The following ATXN7 variants were observed in gnomAD, a reference collection of about 807,000 sequenced individuals.
ATXN7 encodes ataxin-7.
Under a neutral mutation model 70.5 loss-of-function variants are expected in ATXN7, and 12 were observed. The observed-to-expected ratio is 0.17, with a 90% confidence interval of 0.11 to 0.28. The LOEUF is 0.28. Ranked by LOEUF, ATXN7 falls within the 10% of genes least tolerant of loss-of-function variation. The pLI is 1.00. For synonymous variants in ATXN7, 498 were observed against 448.7 expected (o/e 1.11, Z -1.39); for missense variants, 1,256 against 1,131.7 (o/e 1.11, Z -1.58).
chr3:63,953,656 C>CTT (rs1369697109), intron 5 of ATXN7, among the ~76,000 whole-genome samples: 76 of 138,500 alleles, frequency 5.5e-4, no homozygotes, highest in African/African-American at 1.3e-3. Context: ...TGAGATACTT[C>CTT]TTTTTTTTTT....
chr3:63,936,274 G>A (rs2074660882), intron 4 of ATXN7, among the ~76,000 whole-genome samples: 1 of 151,894 alleles, frequency 6.6e-6, no homozygotes, highest in African/African-American at 2.4e-5. Flanking sequence ...ATACAATAAG[G>A]CCTCTAAATG....
chr3:63,953,110 G>C lies in ATXN7; in HGVS notation c.499+627G>C, dbSNP rs989480787. Among the ~76,000 whole-genome samples the C allele has an allele frequency of 3.3e-5, 5 of 152,110 alleles. No individual in the cohort carries two copies. In the South Asian group the frequency reaches 6.2e-4, roughly 19 times the overall value. Reference sequence around the variant, plus strand: ...TCTTACCGCCACAGAGTTTACAGTCGAATTGGAGAGGCAGGCAAAACTAAC... The same window carrying C: ...TCTTACCGCCACAGAGTTTACAGTCCAATTGGAGAGGCAGGCAAAACTAAC... On this transcript the variant is annotated intron_variant, in intron 5 of 12. Transcript: ENST00000674280.
rs1352665632 is a variant in ATXN7 at position 64,001,854 on chromosome 3, A to AT, written c.*2394dup. The AT allele has an allele frequency of 6.6e-6, 1 of 152,150 alleles. No homozygotes were observed. The highest frequency in any genetic ancestry group is 1.5e-5 in the Non-Finnish European group (1 of 68,018). 9.4% of individuals were successfully genotyped at this position (152,150 alleles called of 1,614,324 possible). Reference sequence around the variant, plus strand: ...CCATTTAAAACACGGGAGTACAAGTATTTTTTTGAATTAAATTAACTTGCA... The same window carrying AT: ...CCATTTAAAACACGGGAGTACAAGTATTTTTTTTGAATTAAATTAACTTGCA... On this transcript the variant is annotated 3_prime_UTR_variant, in exon 13 of 13. Transcript: ENST00000674280.
In ATXN7 at chr3:63,999,462, C is replaced by T. The variant is rs777748106; in HGVS notation, c.2674C>T (p.Pro892Ser). ...TCTTTTTTGAAAGCCAAAGGCACGT[C>T]CCTGACAGCTGAAAATAGCACGGGG... The part of the protein sequence containing the change: ...SSLLHQPKAR[P>S] Residue 892 changes from proline to serine, a missense_variant, in exon 13 of 13, where the codon CCC becomes TCC. Pro to Ser is a moderately conservative substitution (Grantham distance 74). Coordinates refer to ENST00000674280, the MANE Select transcript of ATXN7 (RefSeq NM_001377405.1). 6.2e-7 allele frequency: 1 copy of T among 1,614,020 alleles called. No individual in the cohort carries two copies. The highest frequency in any genetic ancestry group is 8.5e-7 in the Non-Finnish European group (1 of 1,179,964).
intron 4 of ATXN7, among the ~76,000 whole-genome samples, chr3:63,942,738 G>T (rs1023460058): frequency 2.0e-5 from 3 of 152,184 alleles, no homozygotes; most frequent in African/African-American, 7.2e-5. Flanking sequence ...GATTGTAATA[G>T]TATTACATAC....
At position 63,995,538 on chromosome 3, in the gene ATXN7, C is replaced by T. The variant is rs755413774; in HGVS notation, c.1716C>T (p.Pro572=). 5.6e-6 allele frequency: 9 copies of T among 1,614,012 alleles called. No homozygotes were observed. The highest frequency in any genetic ancestry group is 5.0e-5 in the Admixed American group (3 of 60,012). ...CACCAGTGCCCAGTACCACCTCACC[C>T]ATCTCCACACGTATTCCTCACCGGA... ...KIPPVPSTTS[P]ISTRIPHRTN... is the part of the protein sequence containing the mutation. Residue 572 remains proline, a synonymous_variant, in exon 12 of 13, where the codon CCC becomes CCT. Coordinates refer to ENST00000674280, the MANE Select transcript of ATXN7 (RefSeq NM_001377405.1).
chr3:63,992,656 A>T (rs534444889), intron 11 of ATXN7, among the ~76,000 whole-genome samples: 1 of 152,274 alleles, frequency 6.6e-6, no homozygotes, highest in South Asian at 2.1e-4. Context: ...AAAAAGTAAG[A>T]TCATAAGGTC....
chr3:63,913,461 G>C (rs541338855), intron 4 of ATXN7, among the ~76,000 whole-genome samples: 1 of 152,304 alleles, frequency 6.6e-6, no homozygotes, highest in African/African-American at 2.4e-5. Flanking sequence ...CATTATTGGT[G>C]ATGAGCGCTG....
chr3:63,932,163 T>A (rs969047462), intron 4 of ATXN7, among the ~76,000 whole-genome samples: 13 of 152,228 alleles, frequency 8.5e-5, no homozygotes, highest in Non-Finnish European at 1.2e-4. Flanking sequence ...AAAGCAGGTG[T>A]TTGTGCAGGT....
At chr3:63,903,155 G>A (rs1703708906) in intron 2 of ATXN7, among the ~76,000 whole-genome samples, 1 of 152,070 alleles carries the variant, frequency 6.6e-6, no homozygotes, top group African/African-American at 2.4e-5. Context: ...GGCACTTTGG[G>A]AGGCCGAGGC....
chr3:63,964,668 T>G (rs1039919132), intron 5 of ATXN7, among the ~76,000 whole-genome samples: 12 of 152,168 alleles, frequency 7.9e-5, no homozygotes, highest in African/African-American at 2.9e-4. Flanking sequence ...TTATCCCCAT[T>G]TAAATTTCAT....
chr3:63,956,905 G>A (rs774113002), intron 5 of ATXN7, among the ~76,000 whole-genome samples: 2 of 152,188 alleles, frequency 1.3e-5, no homozygotes, highest in Non-Finnish European at 2.9e-5. Flanking sequence ...GTGACGTTCC[G>A]AAAGTCAGAA....
rs973742200 is a variant in ATXN7, at chr3:63,998,004, A to G, written c.2662-1446A>G. 1.4e-5 allele frequency: 14 copies of G among 985,416 alleles called. No individual in the cohort carries two copies. In the Admixed American group the frequency reaches 1.8e-4, roughly 13 times the overall value. 61.0% of individuals were successfully genotyped at this position (985,416 alleles called of 1,614,324 possible). A position where few individuals can be genotyped will look rare whatever the true frequency, so the allele number is the denominator to read the frequency against. On this transcript the variant is annotated intron_variant, in intron 12 of 12. Coordinates refer to ENST00000674280, the MANE Select transcript of ATXN7 (RefSeq NM_001377405.1). ...TAGTTACTCATTACAGTTTATAAGC[A>G]TAACAGTCCAATATAAACACAGAAG...
intron 1 of ATXN7, among the ~76,000 whole-genome samples, chr3:63,885,483 T>C (rs1396201311): frequency 6.6e-6 from 1 of 152,136 alleles, no homozygotes; most frequent in African/African-American, 2.4e-5. Flanking sequence ...TCTTTGTACA[T>C]TGGTAGTGGG....
chr3:63,948,230 G>T (rs2074896095), intron 4 of ATXN7, among the ~76,000 whole-genome samples: 1 of 152,160 alleles, frequency 6.6e-6, no homozygotes, highest in Non-Finnish European at 1.5e-5. Context: ...TGTGCTAGTG[G>T]CCTGAATGTG....
At chr3:63,972,551 A>T (rs2075328926) in intron 5 of ATXN7, among the ~76,000 whole-genome samples, 1 of 152,186 alleles carries the variant, frequency 6.6e-6, no homozygotes, top group Admixed American at 6.5e-5. Context: ...CCACCTTTGG[A>T]TCTGTAAACT....
At position 63,988,202 on chromosome 3, in the gene ATXN7, C is replaced by A; in HGVS notation, c.1239C>A (p.Asp413Glu). Residue 413 changes from aspartate to glutamate, a missense_variant, in exon 9 of 13, where the codon GAC becomes GAA. Transcript: ENST00000674280. ...AGCAACCACCGCAGCCTCTCAGGGA[C>A]CCGCATCCCGCCCCTCCTAGAACGT... ...DSQQPPQPLR[D>E]PHPAPPRTSQ... 6.2e-7 allele frequency: 1 copy of A among 1,614,064 alleles called. No homozygotes were observed. Among genetic ancestry groups the A allele is most frequent in the Non-Finnish European group, 8.5e-7 (1 of 1,180,012 alleles).
At chr3:63,863,776 A>T (rs1228729653), upstream of ATXN7, 8 of 1,251,530 alleles carry the variant, frequency 6.4e-6, no homozygotes, top group Non-Finnish European at 8.0e-6. Flanking sequence ...CCTCACCGTC[A>T]GTCACGGCTC....
chr3:63,988,501 A>C (rs965901952), intron 9 of ATXN7, 177 bp downstream of exon 9: 14 of 833,662 alleles, frequency 1.7e-5, no homozygotes, highest in Non-Finnish European at 2.4e-5. Context: ...GTAAGTTTCA[A>C]CCAGGGCTCC....
Sources: allele counts gnomAD v4.1 joint callset (sites outside exome capture counted in the v4.1 genomes callset), GRCh38; gene constraint gnomAD v4.1.1; transcripts MANE v1.5; gene names NCBI Gene and HGNC (gene_info 2026-07-23, HGNC 2026-07-21).